Variants in ZFHX3 observed in about 807,000 individuals in gnomAD.
ZFHX3 encodes the protein zinc finger homeobox protein 3.
ZFHX3 carries 42 observed loss-of-function variants against 279.1 expected under a neutral mutation model. That is an observed-to-expected ratio of 0.15 (90% CI 0.12 to 0.19). The LOEUF (loss-of-function observed/expected upper bound fraction) is 0.19, where lower values mean the gene tolerates loss of function less well. Among genes scored for constraint, ZFHX3 ranks in the 10% least tolerant of loss-of-function variants. The pLI is 1.00. For missense variants in ZFHX3, 4,981 were observed against 4,754.0 expected, an observed-to-expected ratio of 1.05 and a Z score of -1.40; for synonymous variants, 2,293 against 1,957.8, an observed-to-expected ratio of 1.17 and a Z score of -4.52.
intron 3 of ZFHX3, among the ~76,000 whole-genome samples, chr16:72,945,163 G>A (rs770334263): frequency 2.6e-5 from 4 of 152,174 alleles, no homozygotes; most frequent in African/African-American, 4.8e-5. Context: ...ATGAAGATAG[G>A]TGGGAAGCTT....
At chr16:73,245,266 G>GT (rs563179780) in intron 5 of ZFHX3, among the ~76,000 whole-genome samples, 200 of 152,196 alleles carry the variant, frequency 1.3e-3, no homozygotes, top group African/African-American at 4.7e-3. Flanking sequence ...CCACTTTTCT[G>GT]TTTTTTTGTT....
intron 2 of ZFHX3, among the ~76,000 whole-genome samples, chr16:73,619,475 G>A (rs943585835): frequency 1.8e-4 from 20 of 111,854 alleles, no homozygotes; most frequent in Admixed American, 1.2e-3. Context: ...GTGACAGAGC[G>A]ATACTGTGTC....
chr16:73,017,381 T>C (rs994413361), intron 1 of ZFHX3, among the ~76,000 whole-genome samples: 1 of 152,028 alleles, frequency 6.6e-6, no homozygotes, highest in Non-Finnish European at 1.5e-5. Flanking sequence ...TCCCAAAAAA[T>C]ATCCCCTGTT....
chr16:73,396,944 T>G (rs967452735), intron 3 of ZFHX3, among the ~76,000 whole-genome samples: 1 of 152,206 alleles, frequency 6.6e-6, no homozygotes, highest in African/African-American at 2.4e-5. Context: ...TGACGCCAAC[T>G]ACTTCTCCGC....
chr16:73,558,706 ACT>A (rs1362518746), intron 2 of ZFHX3, among the ~76,000 whole-genome samples: 61 of 119,296 alleles, frequency 5.1e-4, no homozygotes, highest in African/African-American at 1.7e-3. Context: ...GAAGAAAATG[ACT>A]CTTTTTTTTT....
intron 1 of ZFHX3, among the ~76,000 whole-genome samples, chr16:73,692,880 T>C (rs2053162651): frequency 6.6e-6 from 1 of 152,340 alleles, no homozygotes; most frequent in East Asian, 1.9e-4. Context: ...GAGCTCCGAA[T>C]GAAACAAATG....
At chr16:73,174,435 C>T (rs1042988353) in intron 5 of ZFHX3, among the ~76,000 whole-genome samples, 2 of 152,180 alleles carry the variant, frequency 1.3e-5, no homozygotes, top group Non-Finnish European at 2.9e-5. Flanking sequence ...ATCTATTCCG[C>T]GACTCTCTCT....
intron 1 of ZFHX3, among the ~76,000 whole-genome samples, chr16:73,754,827 C>G (rs1597096315): frequency 6.6e-6 from 1 of 152,230 alleles, no homozygotes; most frequent in East Asian, 1.9e-4. Context: ...AGAAGGTTCA[C>G]TCAGGGTCTT....
intron 1 of ZFHX3, among the ~76,000 whole-genome samples, chr16:73,013,763 G>C (rs117274302): frequency 6.6e-6 from 1 of 152,086 alleles, no homozygotes; most frequent in Admixed American, 6.5e-5. Flanking sequence ...GTTGGAACAG[G>C]TAAGGCTGTA....
At chr16:72,838,267 T>C (rs191384460) in intron 4 of ZFHX3, among the ~76,000 whole-genome samples, 106 of 152,328 alleles carry the variant, frequency 7.0e-4, no homozygotes, top group African/African-American at 2.0e-3. Context: ...TTTTGTATAT[T>C]TGAAGATCTT....
chr16:73,414,830 C>T (rs376435541), intron 3 of ZFHX3, among the ~76,000 whole-genome samples: 115 of 152,088 alleles, frequency 7.6e-4, no homozygotes, highest in Non-Finnish European at 1.3e-3. Context: ...AGTGAGATCC[C>T]GTCTGAAACA....
upstream of ZFHX3, among the ~76,000 whole-genome samples, chr16:73,059,883 G>A (rs1378359495): frequency 6.6e-6 from 1 of 152,138 alleles, no homozygotes. Context: ...AGGAAGAGAG[G>A]AGGGGTGATT....
chr16:73,112,715 CAAAAAAAA>C (rs56149570), intron 7 of ZFHX3, among the ~76,000 whole-genome samples: 2 of 30,268 alleles, frequency 6.6e-5, no homozygotes, highest in African/African-American at 1.3e-4. Flanking sequence ...GACTCCATCT[CAAAAAAAA>C]AAAAAAAAAA....
chr16:73,558,026 G>A (rs780716004), intron 2 of ZFHX3, among the ~76,000 whole-genome samples: 4 of 152,168 alleles, frequency 2.6e-5, no homozygotes, highest in South Asian at 2.1e-4. Context: ...CAGGGGTCCC[G>A]AATGGGCCTT....
intron 1 of ZFHX3, among the ~76,000 whole-genome samples, chr16:73,680,731 G>C (rs1376645716): frequency 6.6e-6 from 1 of 152,192 alleles, no homozygotes; most frequent in Admixed American, 6.6e-5. Flanking sequence ...GTATATCATG[G>C]AATTCGTCTT....
chr16:73,204,368 T>A (rs2011719870), intron 5 of ZFHX3, among the ~76,000 whole-genome samples: 1 of 152,084 alleles, frequency 6.6e-6, no homozygotes, highest in Non-Finnish European at 1.5e-5. Flanking sequence ...CTGAGCTTGT[T>A]TTCCTGCAAC....
chr16:73,584,262 G>A (rs952621658), intron 2 of ZFHX3, among the ~76,000 whole-genome samples: 2 of 152,152 alleles, frequency 1.3e-5, no homozygotes, highest in Non-Finnish European at 2.9e-5. Context: ...TAATAGACAA[G>A]TAATGGAAGT....
intron 1 of ZFHX3, among the ~76,000 whole-genome samples, chr16:73,854,483 C>T (rs1413478211): frequency 1.3e-5 from 2 of 152,004 alleles, no homozygotes; most frequent in African/African-American, 2.4e-5. Context: ...GAGATTGTGC[C>T]ACTGCACTCC....
chr16:73,186,242 T>C (rs1369183387), intron 5 of ZFHX3, among the ~76,000 whole-genome samples: 4 of 152,142 alleles, frequency 2.6e-5, no homozygotes, highest in Admixed American at 6.6e-5. Flanking sequence ...CCCGAAGCCA[T>C]GCCCCCTCAC....
Sources: gnomAD v4.1 joint callset for allele counts (sites outside exome capture counted in the v4.1 genomes callset) on GRCh38, gnomAD v4.1.1 for gene constraint, MANE v1.5 for transcripts, NCBI Gene and HGNC (gene_info 2026-07-23, HGNC 2026-07-21) for gene names.